TRPM3: variants seen among roughly 807,000 people sequenced by gnomAD.
The protein encoded by TRPM3 is transient receptor potential cation channel subfamily M member 3.
Under a neutral mutation model 181.2 loss-of-function variants are expected in TRPM3, and 77 were observed. The ratio of observed to expected loss-of-function variants is 0.42; its 90% confidence interval spans 0.35 to 0.51. TRPM3 has a LOEUF of 0.51. Ranked by LOEUF, TRPM3 falls within the 20% of genes least tolerant of loss-of-function variation. The pLI is 0.01. For synonymous variants in TRPM3, 745 were observed against 796.4 expected (o/e 0.94, Z 1.09); for missense variants, 1,759 against 2,196.7 (o/e 0.80, Z 3.98).
intron 7 of TRPM3, among the ~76,000 whole-genome samples, chr9:70,783,359 C>T (rs532463732): frequency 6.6e-6 from 1 of 152,210 alleles, no homozygotes; most frequent in African/African-American, 2.4e-5. Flanking sequence ...GGTTTTACCC[C>T]CTCAATCTCA....
intron 1 of TRPM3, among the ~76,000 whole-genome samples, chr9:71,280,778 C>T (rs1253955633): frequency 6.6e-6 from 1 of 152,182 alleles, no homozygotes; most frequent in African/African-American, 2.4e-5. Flanking sequence ...AACACATACA[C>T]ACACACAAAT....
At chr9:70,683,428 C>CTTTTTTTTTTTTTTTTTTTTTTTTT (rs575176948) in intron 8 of TRPM3, among the ~76,000 whole-genome samples, 5 of 57,458 alleles carry the variant, frequency 8.7e-5, no homozygotes, top group Admixed American at 2.5e-4. Context: ...TCTCTCTCTC[C>CTTTTTTTTTTTTTTTTTTTTTTTTT]TTTTTTTTTT....
At chr9:71,394,564 A>G (rs1425966458) in intron 1 of TRPM3, among the ~76,000 whole-genome samples, 1 of 152,224 alleles carries the variant, frequency 6.6e-6, no homozygotes, top group Non-Finnish European at 1.5e-5. Context: ...AGTCAGCCAA[A>G]AATGACCCAT....
rs1220900021 is a variant in TRPM3 at position 71,428,950 on chromosome 9, A to G, written c.183+17703T>C. 6.8e-4 allele frequency among the ~76,000 whole-genome samples: 6 copies of G among 8,868 alleles called. No individual in the cohort carries two copies. The Non-Finnish European group carries it at 0.014, about 21-fold the overall frequency. 5.8% of individuals were successfully genotyped at this position (8,868 alleles called of 152,430 possible). ...CAAAGTGGGACCCTGTTTCAAAGGAAAAAAAAAAAAAAAAAAAGGAAACAG... is the reference window on the plus strand; with the variant it reads ...CAAAGTGGGACCCTGTTTCAAAGGAGAAAAAAAAAAAAAAAAAGGAAACAG... On this transcript the variant is annotated intron_variant, in intron 1 of 24. Transcript: ENST00000357533.
intron 1 of TRPM3, among the ~76,000 whole-genome samples, chr9:70,873,190 C>T (rs896188480): frequency 2.0e-5 from 3 of 151,986 alleles, no homozygotes; most frequent in Non-Finnish European, 4.4e-5. Flanking sequence ...TTAAATGTCC[C>T]TCAGGCTCCT....
chr9:71,262,765 G>T (rs931038033), intron 1 of TRPM3, among the ~76,000 whole-genome samples: 5 of 152,146 alleles, frequency 3.3e-5, no homozygotes, highest in Admixed American at 2.0e-4. Flanking sequence ...GTCCCTCACA[G>T]CTTCCCTTGG....
chr9:71,334,523 T>C (rs2090426953), intron 1 of TRPM3, among the ~76,000 whole-genome samples: 2 of 147,782 alleles, frequency 1.4e-5, no homozygotes, highest in Admixed American at 1.3e-4. Flanking sequence ...TTACAGATGA[T>C]GGCTAATCCT....
chr9:70,886,463 C>T (rs375715797), intron 1 of TRPM3, among the ~76,000 whole-genome samples: 3 of 152,200 alleles, frequency 2.0e-5, no homozygotes, highest in East Asian at 3.9e-4. Flanking sequence ...TATTGTACAA[C>T]AAATGCACCT....
intron 6 of TRPM3, among the ~76,000 whole-genome samples, chr9:70,786,945 A>C (rs1486468086): frequency 1.3e-5 from 2 of 152,126 alleles, no homozygotes; most frequent in Non-Finnish European, 2.9e-5. Context: ...GTTCTCGTGG[A>C]GGGAGAAGTA....
chr9:70,647,691 G>C (rs2059076967), intron 9 of TRPM3, among the ~76,000 whole-genome samples: 1 of 152,100 alleles, frequency 6.6e-6, no homozygotes, highest in South Asian at 2.1e-4. Context: ...GCCCTTGACA[G>C]AGCAATCAGC....
At chr9:70,752,819 C>T (rs961369719) in intron 8 of TRPM3, among the ~76,000 whole-genome samples, 3 of 152,062 alleles carry the variant, frequency 2.0e-5, no homozygotes, top group Non-Finnish European at 2.9e-5. Flanking sequence ...TTTAGAATTA[C>T]ACTCTATGGG....
intron 1 of TRPM3, among the ~76,000 whole-genome samples, chr9:71,190,476 C>T (rs1182553455): frequency 2.0e-5 from 3 of 151,802 alleles, no homozygotes; most frequent in Admixed American, 6.6e-5. Flanking sequence ...AATCTTTTCC[C>T]ACATCCGATA....
intron 1 of TRPM3, among the ~76,000 whole-genome samples, chr9:70,955,302 T>C (rs2097055906): frequency 6.6e-6 from 1 of 152,164 alleles, no homozygotes; most frequent in Non-Finnish European, 1.5e-5. Flanking sequence ...AAAGAAGAGA[T>C]TACAGAAAGA....
At chr9:71,332,122 C>A (rs1050632094) in intron 1 of TRPM3, among the ~76,000 whole-genome samples, 3 of 151,454 alleles carry the variant, frequency 2.0e-5, no homozygotes, top group Admixed American at 2.0e-4. Context: ...ACGTATCTAT[C>A]CACTACTAAT....
chr9:70,999,333 C>T (rs78424401), intron 1 of TRPM3, among the ~76,000 whole-genome samples: 2,260 of 152,286 alleles, frequency 0.015, 39 homozygotes, highest in African/African-American at 0.052. Flanking sequence ...GTTCAACCTC[C>T]TTCAGGTAGT....
intron 1 of TRPM3, among the ~76,000 whole-genome samples, chr9:71,360,970 A>C (rs558304092): frequency 6.6e-6 from 1 of 152,292 alleles, no homozygotes; most frequent in East Asian, 1.9e-4. Flanking sequence ...GTATATTAAA[A>C]ATTTTTGTAA....
rs545222780 is a variant in TRPM3 at position 70,669,711 on chromosome 9, T to TTTTTC, written c.1345+11790_1345+11794dup. Among the ~76,000 whole-genome samples the TTTTTC allele has an allele frequency of 6.6e-3, 1,009 of 151,812 alleles. 8 individuals are homozygous for TTTTTC. Among genetic ancestry groups the TTTTTC allele is most frequent in the South Asian group, 0.023 (111 of 4,806 alleles). On this transcript the variant is annotated intron_variant, in intron 9 of 25. Coordinates refer to ENST00000677713, the MANE Select transcript of TRPM3 (RefSeq NM_001366145.2). ...AAGAGAAGAGGTGGTTTCATTTTTCTTTTTCTTTTCTTTTCTTTCTTTCTT... is the reference window on the plus strand; with the variant it reads ...AAGAGAAGAGGTGGTTTCATTTTTCTTTTTCTTTTCTTTTCTTTTCTTTCTTTCTT...
At chr9:70,758,016 A>G (rs1002517339) in intron 8 of TRPM3, among the ~76,000 whole-genome samples, 1 of 152,214 alleles carries the variant, frequency 6.6e-6, no homozygotes, top group African/African-American at 2.4e-5. Context: ...AGCGTATTCA[A>G]ATAGGAAGAG....
intron 6 of TRPM3, among the ~76,000 whole-genome samples, chr9:70,803,436 GCCA>G (rs2089802101): frequency 6.8e-6 from 1 of 147,730 alleles, no homozygotes; most frequent in Non-Finnish European, 1.5e-5. Context: ...GCCCCCCACC[GCCA>G]CCGTTTTTGT....
Sources: gnomAD v4.1 joint callset for allele counts (sites outside exome capture counted in the v4.1 genomes callset) on GRCh38, gnomAD v4.1.1 for gene constraint, MANE v1.5 for transcripts, NCBI Gene and HGNC (gene_info 2026-07-23, HGNC 2026-07-21) for gene names.